The following MCC variants were observed in gnomAD, a reference collection of about 807,000 sequenced individuals.
MCC encodes MCC regulator of Wnt signaling pathway, also known as colorectal mutant cancer protein.
A neutral mutation model predicts 116.2 loss-of-function variants in MCC; 90 were observed. The observed-to-expected ratio is 0.77, with a 90% CI of 0.65 to 0.92. MCC has a LOEUF of 0.92. Among genes scored for constraint, MCC ranks in the 40% least tolerant of loss-of-function variants. The probability of loss-of-function intolerance (pLI) is 0.00; values close to 1 mark genes in which losing one functional copy is unlikely to be tolerated. For missense variants in MCC, 1,516 were observed against 1,312.2 expected, an observed-to-expected ratio of 1.16 and a Z score of -2.40; for synonymous variants, 578 against 510.5, an observed-to-expected ratio of 1.13 and a Z score of -1.78.
At chr5:113,047,510 A>G (rs572031665) in intron 16 of MCC, among the ~76,000 whole-genome samples, 7 of 152,334 alleles carry the variant, frequency 4.6e-5, no homozygotes, top group African/African-American at 1.7e-4. Context: ...TTAACTATGT[A>G]GGGAGTGACA....
At chr5:113,451,116 T>C (rs1771379758) in intron 1 of MCC, among the ~76,000 whole-genome samples, 2 of 152,154 alleles carry the variant, frequency 1.3e-5, no homozygotes, top group African/African-American at 4.8e-5. Flanking sequence ...ATTCAGGAAG[T>C]AAAATAAGAA....
chr5:113,297,674 A>G (rs1766747253), intron 3 of MCC, among the ~76,000 whole-genome samples: 1 of 147,882 alleles, frequency 6.8e-6, no homozygotes, highest in Admixed American at 6.9e-5. Context: ...AACCACTTGA[A>G]CCAGGAGGCA....
At chr5:113,266,525 T>C (rs776988411) in intron 3 of MCC, among the ~76,000 whole-genome samples, 91 of 152,178 alleles carry the variant, frequency 6.0e-4, no homozygotes, top group Non-Finnish European at 1.0e-3. Context: ...GAAGATGGGA[T>C]AGCACTACTC....
At chr5:113,180,950 T>C (rs1013574470) in intron 3 of MCC, among the ~76,000 whole-genome samples, 1 of 152,196 alleles carries the variant, frequency 6.6e-6, no homozygotes, top group African/African-American at 2.4e-5. Flanking sequence ...CTTTACAGTT[T>C]AATCTAAAAT....
chr5:113,314,377 T>C (rs1767224403), intron 3 of MCC, among the ~76,000 whole-genome samples: 1 of 152,218 alleles, frequency 6.6e-6, no homozygotes, highest in Admixed American at 6.5e-5. Context: ...GGGAATTCCA[T>C]TTCCCTGCAG....
chr5:113,204,624 C>A (rs1412737468), intron 3 of MCC: 2 of 152,238 alleles, frequency 1.3e-5, no homozygotes, highest in Non-Finnish European at 2.9e-5. Context: ...AGAGAGCGAG[C>A]AGGCCCTGAG....
In MCC at chr5:113,434,510, C is replaced by T. The variant is rs545332312; in HGVS notation, c.171-49298G>A. ...GGTGGAACTTCTTGCGAGCTTCGTCCTCATGCAGGGCTCCCCGGGTTTTGA... is the reference window on the plus strand; with the variant it reads ...GGTGGAACTTCTTGCGAGCTTCGTCTTCATGCAGGGCTCCCCGGGTTTTGA... On this transcript the variant is annotated intron_variant, in intron 1 of 18. Coordinates refer to ENST00000408903, the MANE Select transcript of MCC (RefSeq NM_001085377.2). The surrounding 1 kb of genome is among the most constrained non-coding windows in gnomAD (Gnocchi z 4.2). The T allele has an allele frequency of 1.5e-5, 25 of 1,612,944 alleles. 1 individual carries two copies. In the South Asian group the frequency reaches 2.5e-4, roughly 16 times the overall value.
intron 14 of MCC, among the ~76,000 whole-genome samples, chr5:113,056,428 A>G (rs1047198308): frequency 3.9e-5 from 6 of 152,228 alleles, no homozygotes; most frequent in African/African-American, 1.4e-4. Context: ...TTGCAGAAAC[A>G]TGGATGAAGC....
intron 5 of MCC, among the ~76,000 whole-genome samples, chr5:113,128,798 G>A (rs573302474): frequency 3.7e-4 from 56 of 152,284 alleles, no homozygotes; most frequent in African/African-American, 1.3e-3. Flanking sequence ...ATACTTTTTA[G>A]ACTGTAAATT....
At chr5:113,259,011 G>A (rs949441861) in intron 3 of MCC, among the ~76,000 whole-genome samples, 5 of 152,108 alleles carry the variant, frequency 3.3e-5, no homozygotes, top group Admixed American at 1.3e-4. Flanking sequence ...AGCTCTTTAA[G>A]TGATCTATTT....
intron 2 of MCC, among the ~76,000 whole-genome samples, chr5:113,368,161 G>A (rs748804876): frequency 3.9e-5 from 6 of 152,122 alleles, no homozygotes; most frequent in Admixed American, 1.3e-4. Flanking sequence ...ACAATTTTGC[G>A]TTGGTCACTT....
intron 3 of MCC, among the ~76,000 whole-genome samples, chr5:113,338,753 T>A (rs1226134422): frequency 6.6e-6 from 1 of 152,190 alleles, no homozygotes; most frequent in African/African-American, 2.4e-5. Context: ...CAGAGAAAGA[T>A]GACATATTCA....
chr5:113,463,761 T>A (rs1480791447), intron 1 of MCC, among the ~76,000 whole-genome samples: 4 of 151,930 alleles, frequency 2.6e-5, no homozygotes, highest in South Asian at 2.1e-4. Flanking sequence ...ACTAAGGGAG[T>A]CACTGTCACA....
chr5:113,104,681 C>A, intron 6 of MCC: 1 of 207,226 alleles, frequency 4.8e-6, no homozygotes, highest in Non-Finnish European at 9.7e-6. Flanking sequence ...GTCAACCTGT[C>A]TGCTGTCATT....
chr5:113,222,579 G>T (rs964487569), intron 3 of MCC, among the ~76,000 whole-genome samples: 1 of 152,122 alleles, frequency 6.6e-6, no homozygotes. Context: ...CAACTCATTT[G>T]TCAGATATTA....
At chr5:113,329,759 T>C (rs1489297348) in intron 3 of MCC, among the ~76,000 whole-genome samples, 1 of 152,184 alleles carries the variant, frequency 6.6e-6, no homozygotes. Flanking sequence ...CCAACTGCAA[T>C]GGAACTTCTC....
chr5:113,409,462 C>T (rs1310549560), intron 1 of MCC, among the ~76,000 whole-genome samples: 1 of 152,074 alleles, frequency 6.6e-6, no homozygotes, highest in Admixed American at 6.5e-5. Context: ...AGAAATCCTC[C>T]TGCCTTAGCC....
At chr5:113,055,130 G>A (rs553406002) in intron 14 of MCC, among the ~76,000 whole-genome samples, 157 of 152,330 alleles carry the variant, frequency 1.0e-3, no homozygotes, top group African/African-American at 3.5e-3. Flanking sequence ...CTACAGATTT[G>A]GAAAGTGAAG....
intron 3 of MCC, among the ~76,000 whole-genome samples, chr5:113,169,828 C>T (rs1760981797): frequency 6.6e-6 from 1 of 152,174 alleles, no homozygotes; most frequent in Non-Finnish European, 1.5e-5. Context: ...CAAAATGCCT[C>T]ATTTCTTTAA....
Sources: allele counts gnomAD v4.1 joint callset (sites outside exome capture counted in the v4.1 genomes callset), GRCh38; gene constraint gnomAD v4.1.1; non-coding constraint Gnocchi (gnomAD v3.1); transcripts MANE v1.5; gene names NCBI Gene and HGNC (gene_info 2026-07-23, HGNC 2026-07-21).